Variants in ADAMTS10 observed in about 807,000 individuals in gnomAD.
ADAMTS10 encodes the protein A disintegrin and metalloproteinase with thrombospondin motifs 10.
Under a neutral mutation model 135.9 loss-of-function variants are expected in ADAMTS10, and 48 were observed. That is an observed-to-expected ratio of 0.35 (90% confidence interval 0.28 to 0.45). ADAMTS10 has a LOEUF of 0.45. Ranked by LOEUF, ADAMTS10 falls within the 20% of genes least tolerant of loss-of-function variation. The pLI is 1.00. For missense variants in ADAMTS10, 1,131 were observed against 1,565.2 expected, an observed-to-expected ratio of 0.72 and a Z score of 4.68; for synonymous variants, 621 against 647.5, an observed-to-expected ratio of 0.96 and a Z score of 0.62.
intron 6 of ADAMTS10, among the ~76,000 whole-genome samples, chr19:8,599,423 C>T (rs568697837): frequency 6.6e-6 from 1 of 151,954 alleles, no homozygotes; most frequent in Non-Finnish European, 1.5e-5. Context: ...CTCTGCCTCC[C>T]GGGTTCAAGC....
chr19:8,588,605 G>A (rs2042471944), intron 18 of ADAMTS10, among the ~76,000 whole-genome samples: 1 of 152,040 alleles, frequency 6.6e-6, no homozygotes, highest in Non-Finnish European at 1.5e-5. Flanking sequence ...AGCCCAAGCT[G>A]GAAAAGGTGC....
chr19:8,600,940 G>A lies in ADAMTS10; in HGVS notation c.798C>T (p.Ala266=), dbSNP rs1425937282. 2.5e-6 allele frequency: 4 copies of A among 1,614,136 alleles called. No individual in the cohort carries two copies. Among genetic ancestry groups the A allele is most frequent in the Middle Eastern group, 1.6e-4 (1 of 6,062 alleles). ...GGAAGGCACTTACAATGTTCATGAT[G>A]GCCAGGACATACTGCTCCACATCCC... ...GRRDVEQYVL[A]IMNIVAKLFQ... The change falls in exon 6 of 26, where the codon GCC becomes GCT. Residue 266 remains alanine (A), a synonymous_variant. Coordinates refer to ENST00000597188, the MANE Select transcript of ADAMTS10 (RefSeq NM_030957.4).
Position 8,586,363 on chromosome 19 carries a change from G to A in ADAMTS10, c.2511C>T (p.Cys837=). The A allele has an allele frequency of 6.2e-7, 1 of 1,613,788 alleles. No homozygotes were observed. Among genetic ancestry groups the A allele is most frequent in the Non-Finnish European group, 8.5e-7 (1 of 1,179,952 alleles). The change falls in exon 21 of 26, where the codon TGC becomes TGT. Residue 837 remains cysteine (C), a synonymous_variant. Transcript: ENST00000597188. Reference sequence around the variant, plus strand: ...CCTCACCGCCTGCACACTGGGCCGAGCACTTGGTCCAGGGCGCATAGTGCC... The same window carrying A: ...CCTCACCGCCTGCACACTGGGCCGAACACTTGGTCCAGGGCGCATAGTGCC... ...YSWHYAPWTK[C]SAQCAGGSQV...
At chr19:8,581,078 T>C in intron 25 of ADAMTS10, 76 bp from the exon 26 acceptor site, 1 of 894,224 alleles carries the variant, frequency 1.1e-6, no homozygotes, top group Non-Finnish European at 1.8e-6. Context: ...CGACCTGCAG[T>C]GCTTCCTGGC....
In ADAMTS10 at chr19:8,601,242, T is replaced by G; in HGVS notation, c.593-97A>C. On this transcript the variant is annotated intron_variant, in intron 5 of 25. Coordinates refer to ENST00000597188, the MANE Select transcript of ADAMTS10 (RefSeq NM_030957.4). The surrounding 1 kb of genome is among the most constrained non-coding windows in gnomAD (Gnocchi z 4.6). ...TCCAACCTCTGACTGGCTACCTCTC[T>G]ACCCAACAGTCTGGACAGACAATTT... The G allele has an allele frequency of 1.3e-5, 17 of 1,318,408 alleles. No individual in the cohort carries two copies. The highest frequency in any genetic ancestry group is 2.5e-5 in the East Asian group (1 of 40,270). 81.7% of individuals were successfully genotyped at this position (1,318,408 alleles called of 1,614,324 possible).
rs1491576985 is a variant in ADAMTS10, at chr19:8,581,130, C to CCTTT, written c.3203-129_3203-128insAAAG. On this transcript the variant is annotated intron_variant, in intron 25 of 25. Coordinates refer to ENST00000597188, the MANE Select transcript of ADAMTS10 (RefSeq NM_030957.4). ...CTTGGTTTCTTTCTTTTTAAATTTA[C>CCTTT]TTTTTTTTTTTTTTTTTTTTTTTTT... is the stretch of plus-strand genomic sequence containing the variant. 6.8e-5 allele frequency: 10 copies of CCTTT among 147,332 alleles called. 1 individual carries two copies. The highest frequency in any genetic ancestry group is 3.3e-4 in the African/African-American group (6 of 18,368). 9.1% of individuals were successfully genotyped at this position (147,332 alleles called of 1,614,324 possible).
Position 8,589,370 on chromosome 19 carries a change from G to A in ADAMTS10, c.2035-5C>T, listed in dbSNP as rs1043554331. The A allele has an allele frequency of 1.9e-5, 30 of 1,612,130 alleles. No individual in the cohort carries two copies. Among genetic ancestry groups the A allele is most frequent in the African/African-American group, 5.3e-5 (4 of 75,056 alleles). ...GACTCGGTCGCAGCCCACGTGCTGCGTGGAGAAGGCGTGAGTGAGGCGACC... is the reference window on the plus strand; with the variant it reads ...GACTCGGTCGCAGCCCACGTGCTGCATGGAGAAGGCGTGAGTGAGGCGACC... On this transcript the variant is annotated splice_region_variant and splice_polypyrimidine_tract_variant and intron_variant, in intron 17 of 25. Coordinates refer to ENST00000597188, the MANE Select transcript of ADAMTS10 (RefSeq NM_030957.4).
chr19:8,593,093 T>C (rs2042563274), intron 12 of ADAMTS10: 2 of 605,066 alleles, frequency 3.3e-6, no homozygotes, highest in Admixed American at 2.7e-5. Flanking sequence ...ACTTTATACA[T>C]GCCATATACC....
Position 8,601,069 on chromosome 19 carries a change from T to G in ADAMTS10, c.669A>C (p.Glu223Asp). 3 of 1,614,110 alleles carry G rather than the reference T, an allele frequency of 1.9e-6. No individual in the cohort carries two copies. The highest frequency in any genetic ancestry group is 1.1e-5 in the South Asian group (1 of 91,080). The change falls in exon 6 of 26, where the codon GAA (glutamate) becomes GAC (aspartate). Residue 223 changes from glutamate to aspartate, a missense_variant. Coordinates refer to ENST00000597188, the MANE Select transcript of ADAMTS10 (RefSeq NM_030957.4). The surrounding 1 kb of genome is among the most constrained non-coding windows in gnomAD (Gnocchi z 4.6). ...KPPPARPLGN[E>D]TERGQPGLKR... ...TCAGGCCTGGCTGGCCACGCTCTGTTTCATTCCCCAGGGGCCTGGCAGGCG... is the reference window on the plus strand; with the variant it reads ...TCAGGCCTGGCTGGCCACGCTCTGTGTCATTCCCCAGGGGCCTGGCAGGCG...
rs781981720 is a variant in ADAMTS10, at chr19:8,601,646, G to A, written c.593-501C>T. On this transcript the variant is annotated intron_variant, in intron 5 of 25. Transcript: ENST00000597188. This position sits in a 1 kb window ranked among gnomAD's most constrained non-coding sequence, Gnocchi z 4.6. Reference sequence around the variant, plus strand: ...CAAAGTGCTGGGATTACAGGTTTGAGCCACTGCGCCTGGCTGCCTCATTGT... The same window carrying A: ...CAAAGTGCTGGGATTACAGGTTTGAACCACTGCGCCTGGCTGCCTCATTGT... Among the ~76,000 whole-genome samples, 4 of 152,148 alleles carry A rather than the reference G, an allele frequency of 2.6e-5. No homozygotes were observed. The highest frequency in any genetic ancestry group is 4.1e-4 in the South Asian group (2 of 4,824).
intron 25 of ADAMTS10, among the ~76,000 whole-genome samples, chr19:8,584,041 C>T (rs1485042168): frequency 6.8e-6 from 1 of 146,424 alleles, no homozygotes; most frequent in African/African-American, 2.5e-5. Flanking sequence ...CCTGTACTCC[C>T]AGCTACTCAG....
chr19:8,586,565 A>G lies in ADAMTS10; in HGVS notation c.2396T>C (p.Ile799Thr). The G allele has an allele frequency of 1.2e-6, 2 of 1,613,716 alleles. No individual in the cohort carries two copies. The highest frequency in any genetic ancestry group is 1.7e-6 in the Non-Finnish European group (2 of 1,179,990). The change falls in exon 20 of 26, where the codon ATC (isoleucine) becomes ACC (threonine). Residue 799 changes from isoleucine to threonine, a missense_variant. Around this residue, in one of 3 missense-constraint regions of ADAMTS10, gnomAD observed 745 missense variants for 1,056.3 expected, o/e 0.71. Coordinates refer to ENST00000597188, the MANE Select transcript of ADAMTS10 (RefSeq NM_030957.4). ...EALGPINASL[I>T]VMVLARTELP... ...CCCCAGTCTCCCTGTTACCATGACG[A>G]TGAGAGATGCATTAATCGGTCCCAG...
rs1555736798 is a variant in ADAMTS10, at chr19:8,585,533, G to T, written c.2788C>A (p.Gln930Lys). 17 of 1,570,234 alleles carry T rather than the reference G, an allele frequency of 1.1e-5. No homozygotes were observed. The highest frequency in any genetic ancestry group is 1.4e-5 in the Non-Finnish European group (16 of 1,158,502). ...GCCTCCAGTACAGGTGGGCGCGGCT[G>T]CGGGCATGCGCTGTCGTCCAGCGCC... The part of the protein sequence containing the change: ...EKALDDSACP[Q>K]PRPPVLEACH... The change falls in exon 23 of 26, where the codon CAG (glutamine) becomes AAG (lysine). Residue 930 changes from glutamine (Q) to lysine (K), a missense_variant. Gln to Lys is a moderately conservative substitution (Grantham distance 53). Coordinates refer to ENST00000597188, the MANE Select transcript of ADAMTS10 (RefSeq NM_030957.4).
chr19:8,596,574 C>T lies in ADAMTS10; in HGVS notation c.1052G>A (p.Cys351Tyr). 3 of 1,613,448 alleles carry T rather than the reference C, an allele frequency of 1.9e-6. No individual in the cohort carries two copies. Among genetic ancestry groups the T allele is most frequent in the Non-Finnish European group, 2.5e-6 (3 of 1,179,998 alleles). The change falls in exon 9 of 26, where the codon TGC becomes TAC. Residue 351 changes from cysteine (C) to tyrosine (Y), a missense_variant. This residue lies in a region of ADAMTS10 where 80 missense variants were observed against 164.4 expected (regional missense o/e 0.49). Transcript: ENST00000597188. The surrounding 1 kb of genome is among the most constrained non-coding windows in gnomAD (Gnocchi z 7.2). ...GCCGCAGGGTTTGTTCTTGTAGATG[C>T]AGATGTCATAGCTGTAAAAGGAGAC... ...TAVLITRYDI[C>Y]IYKNKPCGTL...
chr19:8,581,860 CAAAA>C (rs71286209), intron 25 of ADAMTS10, among the ~76,000 whole-genome samples: 2 of 127,668 alleles, frequency 1.6e-5, no homozygotes, highest in East Asian at 2.3e-4. Flanking sequence ...AACAAAAAAA[CAAAA>C]AAAAAAAAAA....
rs782478805 is a variant in ADAMTS10 at position 8,605,087 on chromosome 19, G to A, written c.360C>T (p.Pro120=). ...EGLAWQRAAR[P]HCLYAGHLQG... ...GCAGGTGACCAGCGTAGAGGCAGTG[G>A]GGCCGGGCCGCCCTCTGCCAGGCCA... The change falls in exon 4 of 26, where the codon CCC becomes CCT. Residue 120 remains proline (P), a synonymous_variant. Transcript: ENST00000597188. The surrounding 1 kb of genome is among the most constrained non-coding windows in gnomAD (Gnocchi z 7.7). 9.9e-6 allele frequency: 16 copies of A among 1,612,764 alleles called. No individual in the cohort carries two copies. The South Asian group carries it at 1.6e-4, about 17-fold the overall frequency.
chr19:8,585,639 C>G lies in ADAMTS10; in HGVS notation c.2682G>C (p.Ser894=). The G allele has an allele frequency of 6.2e-7, 1 of 1,612,152 alleles. No individual in the cohort carries two copies. The highest frequency in any genetic ancestry group is 8.5e-7 in the Non-Finnish European group (1 of 1,179,626). The part of the protein sequence containing the change: ...CPPDWVVGNW[S]LCSRSCDAGV... Reference sequence around the variant, plus strand: ...CTGCATCGCAGCTGCGGCTGCAGAGCGACCAGTTCCCTACAACCCAGCTGT... The same window carrying G: ...CTGCATCGCAGCTGCGGCTGCAGAGGGACCAGTTCCCTACAACCCAGCTGT... Residue 894 remains serine, a synonymous_variant, in exon 23 of 26, where the codon TCG becomes TCC. Coordinates refer to ENST00000597188, the MANE Select transcript of ADAMTS10 (RefSeq NM_030957.4).
At chr19:8,608,460 A>T (rs1555742949) in intron 1 of ADAMTS10, among the ~76,000 whole-genome samples, 1 of 151,602 alleles carries the variant, frequency 6.6e-6, no homozygotes, top group African/African-American at 2.4e-5. Flanking sequence ...CTTCTTCCCT[A>T]TTCCTTCTTT....
intron 17 of ADAMTS10, 40 bp downstream of exon 17, chr19:8,589,412 C>G (rs782423414): frequency 1.2e-6 from 2 of 1,606,084 alleles, no homozygotes; most frequent in Admixed American, 3.3e-5. Flanking sequence ...CCCACCCCCG[C>G]TCCCCATCCC....
Sources: gnomAD v4.1 joint callset for allele counts (sites outside exome capture counted in the v4.1 genomes callset) on GRCh38, gnomAD v4.1.1 for gene constraint, gnomAD v4.1.1 regional missense constraint, Gnocchi (gnomAD v3.1) non-coding constraint, MANE v1.5 for transcripts, NCBI Gene and HGNC (gene_info 2026-07-23, HGNC 2026-07-21) for gene names.